Variants in NFIX observed in about 807,000 individuals in gnomAD.
NFIX encodes the protein nuclear factor 1 X-type.
In NFIX, 2 loss-of-function variants were observed where a neutral mutation model predicts 53.3. The observed-to-expected ratio is 0.04, with a 90% CI of 0.02 to 0.12. The LOEUF is 0.12. Among genes scored for constraint, NFIX ranks in the 10% least tolerant of loss-of-function variants. The pLI, the probability that NFIX is intolerant of heterozygous loss-of-function variation, is 1.00. For synonymous variants in NFIX, 244 were observed against 289.0 expected (o/e 0.84, Z 1.58); for missense variants, 310 against 674.5 (o/e 0.46, Z 5.99).
At chr19:13,023,969 A>T in intron 1 of NFIX, 1 of 887,298 alleles carries the variant, frequency 1.1e-6, no homozygotes, top group Non-Finnish European at 1.4e-6. Flanking sequence ...CCCCCAACTC[A>T]CAACTCTTTT....
At chr19:13,032,650 G>A (rs954318472) in intron 2 of NFIX, among the ~76,000 whole-genome samples, 2 of 152,190 alleles carry the variant, frequency 1.3e-5, no homozygotes, top group African/African-American at 4.8e-5. Flanking sequence ...GGGAGAGGGA[G>A]TGAGAGGTTT....
chr19:13,018,470 G>A (rs886213615), intron 1 of NFIX, among the ~76,000 whole-genome samples: 3 of 152,006 alleles, frequency 2.0e-5, no homozygotes, highest in Non-Finnish European at 4.4e-5. Flanking sequence ...AAGAAACTGC[G>A]CAGAGCCGCC....
chr19:13,077,560 G>C (rs1371939040), intron 6 of NFIX, among the ~76,000 whole-genome samples: 2 of 152,156 alleles, frequency 1.3e-5, no homozygotes, highest in African/African-American at 4.8e-5. Context: ...TCCGCTGGCG[G>C]CTGGGAGTTC....
In NFIX at chr19:13,052,077, C is replaced by A. The variant is rs11881245; in HGVS notation, c.560-20970C>A. ...TCTGCTTGCAGGATTTGGGACCAAA[C>A]GCCCTCAGGCATCCAGGTGGTGCCC... On this transcript the variant is annotated intron_variant, in intron 2 of 10. Coordinates refer to ENST00000592199, the MANE Select transcript of NFIX (RefSeq NM_001365902.3). This position sits in a 1 kb window ranked among gnomAD's most constrained non-coding sequence, Gnocchi z 5.2. 2.7e-3 allele frequency among the ~76,000 whole-genome samples: 406 copies of A among 152,306 alleles called. 2 individuals carry two copies. The highest frequency in any genetic ancestry group is 9.2e-3 in the African/African-American group (381 of 41,552).
At chr19:13,026,058 C>G (rs1376220068) in intron 2 of NFIX, among the ~76,000 whole-genome samples, 1 of 152,036 alleles carries the variant, frequency 6.6e-6, no homozygotes, top group Non-Finnish European at 1.5e-5. Context: ...GCATGTGAAA[C>G]CCTGGGATAT....
chr19:13,017,226 G>C (rs979475960), intron 1 of NFIX, among the ~76,000 whole-genome samples: 2 of 152,174 alleles, frequency 1.3e-5, no homozygotes, highest in African/African-American at 4.8e-5. Context: ...GGGTGGGCAT[G>C]GTCCGAGCTC....
rs1399316443 is a variant in NFIX at position 13,097,233 on chromosome 19, G to C, written c.*2584G>C. On this transcript the variant is annotated 3_prime_UTR_variant, in exon 11 of 11. Transcript: ENST00000592199. ...TTTCCTGCGTTGACGAGGATGATCT[G>C]GGGTTTTTATTTGTTTCGTCGTTCG... 1 of 147,814 alleles carries C rather than the reference G, an allele frequency of 6.8e-6. No homozygotes were observed. Among genetic ancestry groups the C allele is most frequent in the Non-Finnish European group, 1.5e-5 (1 of 67,002 alleles). 9.2% of individuals were successfully genotyped at this position (147,814 alleles called of 1,614,324 possible).
chr19:13,082,645 A>G (rs1397287931), intron 8 of NFIX: 1 of 152,278 alleles, frequency 6.6e-6, no homozygotes, highest in African/African-American at 2.4e-5. Flanking sequence ...CGAAAGAATG[A>G]TCCCAGGAGG....
chr19:13,059,031 C>T (rs2015890083), intron 2 of NFIX, among the ~76,000 whole-genome samples: 1 of 152,190 alleles, frequency 6.6e-6, no homozygotes, highest in African/African-American at 2.4e-5. Flanking sequence ...TCTTAGTCCT[C>T]CACCATTAGG....
intron 1 of NFIX, among the ~76,000 whole-genome samples, chr19:13,019,904 A>G (rs2012877825): frequency 6.6e-6 from 1 of 151,598 alleles, no homozygotes. Context: ...CCTTTCCCCC[A>G]CAATGTTTCC....
In NFIX at chr19:13,007,068, G is replaced by A. The variant is rs114288160; in HGVS notation, c.27+11204G>A. ...TTCCGCTGCCCCTTTGCAGCCTGGAGCTCAGCAAGGATGCCCGCCTGGCTT... is the reference window on the plus strand; with the variant it reads ...TTCCGCTGCCCCTTTGCAGCCTGGAACTCAGCAAGGATGCCCGCCTGGCTT... On this transcript the variant is annotated intron_variant, in intron 1 of 10. Transcript: ENST00000592199. Among the ~76,000 whole-genome samples the A allele has an allele frequency of 7.4e-3, 1,121 of 152,226 alleles. 12 individuals carry two copies. The highest frequency in any genetic ancestry group is 0.026 in the African/African-American group (1,080 of 41,530).
rs1422369988 is a variant in NFIX at position 13,013,827 on chromosome 19, C to G, written c.28-11194C>G. On this transcript the variant is annotated intron_variant, in intron 1 of 10. Transcript: ENST00000592199. The surrounding 1 kb of genome is among the most constrained non-coding windows in gnomAD (Gnocchi z 5.9). ...GACTGAGCTTGCGGTCGCCCCGATTCTCTAGTAGACCCTGGCGTGGGGCAC... is the reference window on the plus strand; with the variant it reads ...GACTGAGCTTGCGGTCGCCCCGATTGTCTAGTAGACCCTGGCGTGGGGCAC... The G allele has an allele frequency of 1.3e-5, 2 of 152,200 alleles. No homozygotes were observed. Among genetic ancestry groups the G allele is most frequent in the African/African-American group, 4.8e-5 (2 of 41,450 alleles). The allele number at this position is 152,200 out of a possible 1,614,324, so 9.4% of individuals were successfully genotyped here.
Position 13,074,012 on chromosome 19 carries a change from C to A in NFIX, c.804C>A (p.Ser268=), listed in dbSNP as rs753406691. The change falls in exon 5 of 11, where the codon TCC becomes TCA. Residue 268 remains serine (S), a synonymous_variant. Coordinates refer to ENST00000592199, the MANE Select transcript of NFIX (RefSeq NM_001365902.3). ...QVTLGRRSIT[S]PPSTSTTKRP... The stretch of plus-strand genomic sequence containing the variant: ...CCCTGGGGCGGCGGTCCATCACCTC[C>A]CCTCCTTCCACCAGGTAAGCCCAGT... 6.2e-7 allele frequency: 1 copy of A among 1,613,904 alleles called. No individual in the cohort carries two copies. The highest frequency in any genetic ancestry group is 1.3e-5 in the African/African-American group (1 of 74,940).
rs2014781304 is a variant in NFIX, at chr19:13,043,544, T to C, written c.559+17992T>C. Among the ~76,000 whole-genome samples the C allele has an allele frequency of 6.6e-6, 1 of 152,198 alleles. No individual in the cohort carries two copies. The highest frequency in any genetic ancestry group is 1.5e-5 in the Non-Finnish European group (1 of 68,004). On this transcript the variant is annotated intron_variant, in intron 2 of 10. Coordinates refer to ENST00000592199, the MANE Select transcript of NFIX (RefSeq NM_001365902.3). The surrounding 1 kb of genome is among the most constrained non-coding windows in gnomAD (Gnocchi z 4.0). Reference sequence around the variant, plus strand: ...GCTGCGCAGTCTGCCACAAGGCCCCTGGGGCTGCCAAGGTCGCACATGTCC... The same window carrying C: ...GCTGCGCAGTCTGCCACAAGGCCCCCGGGGCTGCCAAGGTCGCACATGTCC...
At chr19:13,074,359 G>A (rs1414527025) in intron 5 of NFIX, among the ~76,000 whole-genome samples, 2 of 152,218 alleles carry the variant, frequency 1.3e-5, no homozygotes, top group East Asian at 3.8e-4. Flanking sequence ...TGGGGAAAAT[G>A]TTCCAGGAGA....
At chr19:13,047,035 G>C (rs1599780956) in intron 2 of NFIX, among the ~76,000 whole-genome samples, 1 of 152,128 alleles carries the variant, frequency 6.6e-6, no homozygotes, top group Admixed American at 6.5e-5. Context: ...TCTGGAACTT[G>C]ACCTTGAAGT....
Position 13,078,731 on chromosome 19 carries a change from A to G in NFIX, c.1074A>G (p.Arg358=). The G allele has an allele frequency of 1.2e-6, 2 of 1,600,450 alleles. No individual in the cohort carries two copies. The highest frequency in any genetic ancestry group is 1.7e-6 in the Non-Finnish European group (2 of 1,173,876). ...CGCTGCCTGTGCTTGCTGGAGTCAGACCAGGTGAGAAATGGGGGGCCCCGG... is the reference window on the plus strand; with the variant it reads ...CGCTGCCTGTGCTTGCTGGAGTCAGGCCAGGTGAGAAATGGGGGGCCCCGG... ...HHPLPVLAGV[R]PGSPRATASA... The change falls in exon 7 of 11, where the codon AGA becomes AGG. Residue 358 remains arginine, a synonymous_variant. Coordinates refer to ENST00000592199, the MANE Select transcript of NFIX (RefSeq NM_001365902.3). The surrounding 1 kb of genome is among the most constrained non-coding windows in gnomAD (Gnocchi z 4.7).
intron 2 of NFIX, among the ~76,000 whole-genome samples, chr19:13,032,401 C>T (rs772536860): frequency 1.2e-4 from 19 of 152,210 alleles, no homozygotes; most frequent in Non-Finnish European, 2.4e-4. Flanking sequence ...AAGGGCAGCC[C>T]TGCCTGTTGG....
intron 2 of NFIX, among the ~76,000 whole-genome samples, chr19:13,050,695 G>C (rs1379845266): frequency 6.6e-6 from 1 of 152,018 alleles, no homozygotes; most frequent in African/African-American, 2.4e-5. Flanking sequence ...ATTACTCTCT[G>C]GACCCCTGGG....
Sources: gnomAD v4.1 joint callset for allele counts (sites outside exome capture counted in the v4.1 genomes callset) on GRCh38, gnomAD v4.1.1 for gene constraint, Gnocchi (gnomAD v3.1) non-coding constraint, MANE v1.5 for transcripts, NCBI Gene and HGNC (gene_info 2026-07-23, HGNC 2026-07-21) for gene names.